DSCAM: variants seen among roughly 807,000 people sequenced by gnomAD.
DSCAM encodes the protein cell adhesion molecule DSCAM.
In DSCAM, 47 loss-of-function variants were observed where a neutral mutation model predicts 217.7. The ratio of observed to expected loss-of-function variants is 0.22; its 90% CI spans 0.17 to 0.28. The LOEUF (loss-of-function observed/expected upper bound fraction) is 0.28. Among genes scored for constraint, DSCAM ranks in the 10% least tolerant of loss-of-function variants. The probability of loss-of-function intolerance (pLI) is 1.00; values close to 1 mark genes in which losing one functional copy is unlikely to be tolerated. For missense variants in DSCAM, 2,080 were observed against 2,618.3 expected (o/e 0.79, Z 4.49); for synonymous variants, 1,056 against 1,015.3 (o/e 1.04, Z -0.76).
At chr21:40,491,222 C>A (rs925861691) in intron 3 of DSCAM, among the ~76,000 whole-genome samples, 15 of 152,066 alleles carry the variant, frequency 9.9e-5, no homozygotes, top group Admixed American at 7.2e-4. Context: ...TTCTCTTTGA[C>A]AGGTAATAAG....
chr21:40,199,955 A>G (rs578113649), intron 11 of DSCAM, among the ~76,000 whole-genome samples: 4 of 151,806 alleles, frequency 2.6e-5, no homozygotes, highest in African/African-American at 9.7e-5. Context: ...AAAACAAAAA[A>G]CAAAAAACAC....
intron 1 of DSCAM, among the ~76,000 whole-genome samples, chr21:40,816,673 T>C (rs1261801253): frequency 1.3e-5 from 2 of 152,154 alleles, no homozygotes; most frequent in Admixed American, 1.3e-4. Flanking sequence ...GCAATAGAGA[T>C]CTTTCACATC....
chr21:40,611,207 C>A (rs766054393), intron 3 of DSCAM, among the ~76,000 whole-genome samples: 2 of 151,672 alleles, frequency 1.3e-5, no homozygotes, highest in Non-Finnish European at 2.9e-5. Flanking sequence ...TACAGGTGCA[C>A]GCCTCCACCC....
chr21:40,345,792 T>C (rs1285784761), intron 6 of DSCAM, among the ~76,000 whole-genome samples: 1 of 152,206 alleles, frequency 6.6e-6, no homozygotes, highest in African/African-American at 2.4e-5. Flanking sequence ...CTGCTTTCTT[T>C]GCTACATTAG....
chr21:40,381,535 C>T (rs997170995), intron 3 of DSCAM, among the ~76,000 whole-genome samples: 3 of 152,130 alleles, frequency 2.0e-5, no homozygotes, highest in Non-Finnish European at 4.4e-5. Flanking sequence ...CAGAGCACGG[C>T]ACTTCAACCC....
chr21:40,758,627 T>C (rs1288265015), intron 1 of DSCAM, among the ~76,000 whole-genome samples: 1 of 148,686 alleles, frequency 6.7e-6, no homozygotes, highest in Admixed American at 6.8e-5. Flanking sequence ...TTTTGGGGGG[T>C]CTATTTATGG....
chr21:40,262,088 G>A (rs2073461067), intron 11 of DSCAM, among the ~76,000 whole-genome samples: 1 of 151,752 alleles, frequency 6.6e-6, no homozygotes, highest in Non-Finnish European at 1.5e-5. Context: ...TGTACATAAA[G>A]AAGTAATGTG....
chr21:40,020,149 G>A (rs2088236143), intron 32 of DSCAM, among the ~76,000 whole-genome samples: 2 of 152,182 alleles, frequency 1.3e-5, no homozygotes, highest in Non-Finnish European at 2.9e-5. Flanking sequence ...GGTAGTGGAT[G>A]AGTCTCACAA....
intron 1 of DSCAM, among the ~76,000 whole-genome samples, chr21:40,819,172 G>C (rs1043954574): frequency 1.3e-5 from 2 of 152,206 alleles, no homozygotes; most frequent in African/African-American, 4.8e-5. Flanking sequence ...GGACTGGTTA[G>C]AAAGGGTTAA....
chr21:40,071,540 C>T (rs1275558425), intron 27 of DSCAM, among the ~76,000 whole-genome samples: 1 of 152,184 alleles, frequency 6.6e-6, no homozygotes, highest in African/African-American at 2.4e-5. Context: ...TGATCAATTT[C>T]AACCATATAA....
chr21:40,359,241 C>T (rs977729699), intron 4 of DSCAM, among the ~76,000 whole-genome samples: 18 of 152,296 alleles, frequency 1.2e-4, no homozygotes, highest in African/African-American at 4.1e-4. Flanking sequence ...GGAGTGCCAG[C>T]CTTCACATCC....
At chr21:40,782,945 G>A in intron 1 of DSCAM, among the ~76,000 whole-genome samples, 1 of 152,222 alleles carries the variant, frequency 6.6e-6, no homozygotes, top group East Asian at 1.9e-4. Context: ...GATCACATAG[G>A]GATTACATCA....
chr21:40,710,420 A>G (rs957646811), intron 1 of DSCAM, among the ~76,000 whole-genome samples: 3 of 152,170 alleles, frequency 2.0e-5, no homozygotes, highest in African/African-American at 7.2e-5. Context: ...ATATCATGTT[A>G]AAGTGTACAT....
intron 3 of DSCAM, among the ~76,000 whole-genome samples, chr21:40,510,457 GTT>G (rs1601702791): frequency 1.3e-5 from 2 of 152,128 alleles, no homozygotes; most frequent in Non-Finnish European, 2.9e-5. Context: ...GACTGTTGAG[GTT>G]TGATAATGGT....
intron 3 of DSCAM, among the ~76,000 whole-genome samples, chr21:40,434,785 C>CA (rs1206259409): frequency 1.3e-5 from 2 of 151,922 alleles, no homozygotes; most frequent in South Asian, 2.1e-4. Flanking sequence ...ACATGTGTCA[C>CA]AAAAAAACAC....
chr21:40,472,395 C>A (rs1174217521), intron 3 of DSCAM, among the ~76,000 whole-genome samples: 2 of 152,090 alleles, frequency 1.3e-5, no homozygotes, highest in Non-Finnish European at 2.9e-5. Context: ...CAGAAGCAAA[C>A]CCGTAAAACT....
intron 10 of DSCAM, among the ~76,000 whole-genome samples, chr21:40,287,021 GCGGTGTGATCTGCAGTGTGATCA>G (rs2073835836): frequency 1.4e-5 from 2 of 142,510 alleles, no homozygotes; most frequent in African/African-American, 5.2e-5. Context: ...GCAGGTATCT[GCGGTGTGATCTGCAGTGTGATCA>G]CAGTGTGATC....
intron 3 of DSCAM, among the ~76,000 whole-genome samples, chr21:40,641,972 C>T (rs1475527671): frequency 1.4e-5 from 2 of 147,336 alleles, no homozygotes; most frequent in African/African-American, 2.5e-5. Flanking sequence ...TGTTTGAACC[C>T]GGGAGGCAGA....
chr21:40,790,932 T>C (rs2091637145), intron 1 of DSCAM, among the ~76,000 whole-genome samples: 1 of 151,868 alleles, frequency 6.6e-6, no homozygotes, highest in Non-Finnish European at 1.5e-5. Flanking sequence ...ATCCCAGCAC[T>C]TTGGGAAGCT....
Sources: allele counts gnomAD v4.1 joint callset (sites outside exome capture counted in the v4.1 genomes callset), GRCh38; gene constraint gnomAD v4.1.1; transcripts MANE v1.5; gene names NCBI Gene and HGNC (gene_info 2026-07-23, HGNC 2026-07-21).